Variants in WIPI1 observed in about 807,000 individuals in gnomAD.
WIPI1 encodes the protein WD repeat domain, phosphoinositide interacting 1.
Under a neutral mutation model 55.3 loss-of-function variants are expected in WIPI1, and 45 were observed. That is an observed-to-expected ratio of 0.81 (90% CI 0.64 to 1.04). The LOEUF (loss-of-function observed/expected upper bound fraction) is 1.04, where lower values mean the gene tolerates loss of function less well. WIPI1 is among the 50% of genes least tolerant of loss of function. WIPI1 has a pLI of 0.00. For synonymous variants in WIPI1, 195 were observed against 217.6 expected (o/e 0.90, Z 0.92); for missense variants, 445 against 559.0 (o/e 0.80, Z 2.06).
At chr17:68,442,857 C>T (rs980269198) in intron 4 of WIPI1, among the ~76,000 whole-genome samples, 3 of 152,172 alleles carry the variant, frequency 2.0e-5, no homozygotes, top group African/African-American at 7.2e-5. Context: ...GAAGGGAACT[C>T]GTGACAACTA....
At position 68,436,562 on chromosome 17, in the gene WIPI1, A is replaced by G. The variant is rs1477258248; in HGVS notation, c.431-83T>C. 32 of 1,273,480 alleles carry G rather than the reference A, an allele frequency of 2.5e-5. No individual in the cohort carries two copies. In the East Asian group the frequency reaches 6.6e-4, roughly 26 times the overall value. The allele number at this position is 1,273,480 out of a possible 1,614,324, so 78.9% of individuals were successfully genotyped here. On this transcript the variant is annotated intron_variant, in intron 4 of 12. Coordinates refer to ENST00000262139, the MANE Select transcript of WIPI1 (RefSeq NM_017983.7). Reference sequence around the variant, plus strand: ...TGGAGAGGGCATCTGAAAACAGTACAGCTACAGTGCCACCTACTGGCAAGG... The same window carrying G: ...TGGAGAGGGCATCTGAAAACAGTACGGCTACAGTGCCACCTACTGGCAAGG...
intron 8 of WIPI1, among the ~76,000 whole-genome samples, chr17:68,431,846 C>G (rs1378745771): frequency 2.6e-5 from 4 of 152,264 alleles, no homozygotes; most frequent in African/African-American, 7.2e-5. Context: ...AACGGGAGAG[C>G]CTGGAGTGGA....
intron 1 of WIPI1, among the ~76,000 whole-genome samples, chr17:68,455,506 A>G (rs1414481932): frequency 6.6e-6 from 1 of 152,220 alleles, no homozygotes; most frequent in Non-Finnish European, 1.5e-5. Flanking sequence ...CATTTATAGA[A>G]AAAGACATGG....
At position 68,426,172 on chromosome 17, in the gene WIPI1, T is replaced by C. The variant is rs2083161670; in HGVS notation, c.1196A>G (p.Tyr399Cys). ...TCGCAGCGCCCCGCCGTCCTCAGAA[T>C]AACCTGGAAACCAAGAAAGAGACAT... ...SASSASTVPG[Y>C]SEDGGALRGE... The change falls in exon 12 of 13, where the codon TAT becomes TGT. Residue 399 changes from tyrosine (Y) to cysteine (C), a missense_variant. Physicochemically the swap from Tyr to Cys is radical, Grantham distance 194. Coordinates refer to ENST00000262139, the MANE Select transcript of WIPI1 (RefSeq NM_017983.7). The C allele has an allele frequency of 6.4e-7, 1 of 1,563,758 alleles. No individual in the cohort carries two copies. Among genetic ancestry groups the C allele is most frequent in the African/African-American group, 1.4e-5 (1 of 71,424 alleles).
intron 12 of WIPI1, chr17:68,422,101 A>G: frequency 2.5e-6 from 1 of 398,068 alleles, no homozygotes; most frequent in South Asian, 3.2e-5. Flanking sequence ...GGCTCATCTT[A>G]CTTGTAAACA....
intron 3 of WIPI1, among the ~76,000 whole-genome samples, chr17:68,450,219 A>C (rs2084444522): frequency 6.6e-6 from 1 of 152,222 alleles, no homozygotes; most frequent in African/African-American, 2.4e-5. Context: ...TGAGAACCCA[A>C]GGCTGAATAG....
At chr17:68,422,043 CTG>C (rs987547802) in intron 12 of WIPI1, 97 of 584,172 alleles carry the variant, frequency 1.7e-4, no homozygotes, top group East Asian at 2.3e-4. Flanking sequence ...AAAAATGTCT[CTG>C]TGTGTGTGTG....
intron 7 of WIPI1, among the ~76,000 whole-genome samples, chr17:68,433,894 T>TGCCTCA (rs2083655669): frequency 6.7e-6 from 1 of 148,778 alleles, no homozygotes; most frequent in African/African-American, 2.5e-5. Flanking sequence ...GCGATTCTCC[T>TGCCTCA]GCCTCAGCCT....
intron 4 of WIPI1, chr17:68,441,145 G>C (rs79422513): frequency 6.6e-6 from 1 of 152,136 alleles, no homozygotes; most frequent in Non-Finnish European, 1.5e-5. Context: ...GGACTTTCAT[G>C]GAGATTTCCA....
chr17:68,454,498 G>A (rs948303640), intron 1 of WIPI1, among the ~76,000 whole-genome samples: 11 of 152,136 alleles, frequency 7.2e-5, no homozygotes, highest in Admixed American at 7.2e-4. Flanking sequence ...CCACAAGGTA[G>A]CTGGTGACGT....
chr17:68,455,457 C>A (rs1276488750), intron 1 of WIPI1, among the ~76,000 whole-genome samples: 1 of 151,956 alleles, frequency 6.6e-6, no homozygotes, highest in African/African-American at 2.4e-5. Flanking sequence ...CTGTTTTCAC[C>A]TACCTTCTTT....
chr17:68,451,057 T>C (rs2084482465), intron 2 of WIPI1, among the ~76,000 whole-genome samples, 160 bp from the exon 3 acceptor site: 1 of 152,248 alleles, frequency 6.6e-6, no homozygotes, highest in Non-Finnish European at 1.5e-5. Flanking sequence ...TGATCCACCA[T>C]GCCCCCCACC....
intron 4 of WIPI1, among the ~76,000 whole-genome samples, chr17:68,441,556 T>G (rs1248515864): frequency 6.6e-6 from 1 of 152,188 alleles, no homozygotes; most frequent in Non-Finnish European, 1.5e-5. Flanking sequence ...AATGTATAAT[T>G]GGCAGGGCGG....
At chr17:68,455,738 A>G (rs1367574957) in intron 1 of WIPI1, among the ~76,000 whole-genome samples, 3 of 152,208 alleles carry the variant, frequency 2.0e-5, no homozygotes, top group Non-Finnish European at 4.4e-5. Context: ...TTCTTATTCA[A>G]TTTCTGTAGA....
chr17:68,447,367 CT>C (rs1377092652), intron 3 of WIPI1, among the ~76,000 whole-genome samples: 1 of 150,756 alleles, frequency 6.6e-6, no homozygotes, highest in Non-Finnish European at 1.5e-5. Flanking sequence ...AAGTGTTCTT[CT>C]TTTTTAAATT....
At chr17:68,436,518 A>C (rs749686234) in intron 4 of WIPI1, 39 bp from the exon 5 acceptor site, 2 of 1,592,980 alleles carry the variant, frequency 1.3e-6, no homozygotes, top group Non-Finnish European at 8.6e-7. Context: ...GCCTGGGGCC[A>C]AGGGAGAGAT....
intron 11 of WIPI1, 78 bp from the exon 12 acceptor site, chr17:68,426,253 G>GGGGGGGT: frequency 7.1e-6 from 6 of 841,014 alleles, no homozygotes; most frequent in South Asian, 2.6e-5. Context: ...GGGGAGCGGG[G>GGGGGGGT]GCTCAAATAA....
intron 1 of WIPI1, among the ~76,000 whole-genome samples, chr17:68,456,423 C>T (rs1388993090): frequency 6.6e-6 from 1 of 152,186 alleles, no homozygotes; most frequent in Non-Finnish European, 1.5e-5. Flanking sequence ...AATCGGTCAT[C>T]CCCGCCTGAT....
intron 1 of WIPI1, among the ~76,000 whole-genome samples, chr17:68,456,051 GA>G (rs1017221410): frequency 2.6e-5 from 4 of 152,062 alleles, no homozygotes; most frequent in Non-Finnish European, 4.4e-5. Flanking sequence ...AAGCAGCTTA[GA>G]AAAAAAGGAC....
Sources: allele counts gnomAD v4.1 joint callset (sites outside exome capture counted in the v4.1 genomes callset), GRCh38; gene constraint gnomAD v4.1.1; transcripts MANE v1.5; gene names NCBI Gene and HGNC (gene_info 2026-07-23, HGNC 2026-07-21).